The following CAMK2D variants were observed in gnomAD, a reference collection of about 807,000 sequenced individuals.
The protein encoded by CAMK2D is calcium/calmodulin-dependent protein kinase type II subunit delta.
A neutral mutation model predicts 84.0 loss-of-function variants in CAMK2D; 37 were observed. The ratio of observed to expected loss-of-function variants is 0.44; its 90% confidence interval spans 0.34 to 0.58. The LOEUF is 0.58. Ranked by LOEUF, CAMK2D falls within the 20% of genes least tolerant of loss-of-function variation. The pLI is 0.02. For missense variants in CAMK2D, 448 were observed against 652.5 expected (o/e 0.69, Z 3.41); for synonymous variants, 202 against 212.5 (o/e 0.95, Z 0.43).
intron 2 of CAMK2D, among the ~76,000 whole-genome samples, chr4:113,671,551 GC>G (rs2099284204): frequency 6.6e-6 from 1 of 152,116 alleles, no homozygotes; most frequent in Non-Finnish European, 1.5e-5. Context: ...TTTGTGTTGG[GC>G]GACACTGGAG....
chr4:113,489,611 T>C (rs1287940839), intron 16 of CAMK2D, among the ~76,000 whole-genome samples: 1 of 149,140 alleles, frequency 6.7e-6, no homozygotes, highest in African/African-American at 2.5e-5. Flanking sequence ...TACGTGTGCA[T>C]GTGTCTTTAT....
chr4:113,685,401 G>A (rs2099357009), intron 2 of CAMK2D, among the ~76,000 whole-genome samples: 1 of 151,812 alleles, frequency 6.6e-6, no homozygotes, highest in African/African-American at 2.4e-5. Flanking sequence ...CACAACACTT[G>A]GTAATTTTCA....
chr4:113,509,617 A>T, intron 13 of CAMK2D, 21 bp downstream of exon 13: 1 of 1,514,316 alleles, frequency 6.6e-7, no homozygotes, highest in Non-Finnish European at 9.2e-7. Context: ...GAAATGGATT[A>T]GGGGCATCTG....
intron 2 of CAMK2D, among the ~76,000 whole-genome samples, chr4:113,677,905 T>G (rs1314140240): frequency 6.6e-6 from 1 of 152,080 alleles, no homozygotes; most frequent in African/African-American, 2.4e-5. Context: ...CATAGGATAG[T>G]ATCTAGTAGC....
At chr4:113,713,027 A>G (rs2154355961) in intron 2 of CAMK2D, among the ~76,000 whole-genome samples, 1 of 152,142 alleles carries the variant, frequency 6.6e-6, no homozygotes. Flanking sequence ...TAATTTCCAG[A>G]TTAACCATGT....
At chr4:113,460,081 C>A in intron 18 of CAMK2D, 66 bp downstream of exon 18, 4 of 914,712 alleles carry the variant, frequency 4.4e-6, no homozygotes, top group Non-Finnish European at 7.3e-6. Context: ...GCAAAATAAT[C>A]TGCAAATTTG....
chr4:113,638,182 T>G (rs1421018734), intron 3 of CAMK2D, among the ~76,000 whole-genome samples: 2 of 152,046 alleles, frequency 1.3e-5, no homozygotes, highest in African/African-American at 4.8e-5. Context: ...CTAATTCAAG[T>G]GAAGAAAAGG....
At chr4:113,608,505 CT>C (rs1411601394) in intron 4 of CAMK2D, among the ~76,000 whole-genome samples, 2 of 152,114 alleles carry the variant, frequency 1.3e-5, no homozygotes, top group African/African-American at 4.8e-5. Context: ...TTAGGGTATA[CT>C]TTCCATGGAC....
At chr4:113,526,255 A>G (rs2098416450) in intron 8 of CAMK2D, among the ~76,000 whole-genome samples, 2 of 152,172 alleles carry the variant, frequency 1.3e-5, no homozygotes, top group South Asian at 2.1e-4. Context: ...TGGCACATAC[A>G]TGCTCCAACT....
chr4:113,721,747 A>C (rs1178838500), intron 2 of CAMK2D, among the ~76,000 whole-genome samples: 1 of 152,168 alleles, frequency 6.6e-6, no homozygotes, highest in Non-Finnish European at 1.5e-5. Context: ...GTGGCTTCTA[A>C]TCCCAGCAGA....
At chr4:113,667,895 C>T (rs1481715635) in intron 2 of CAMK2D, among the ~76,000 whole-genome samples, 1 of 152,154 alleles carries the variant, frequency 6.6e-6, no homozygotes, top group African/African-American at 2.4e-5. Context: ...GATGATTGTT[C>T]TTCTTTTCAT....
rs374119069 is a variant in CAMK2D at position 113,516,509 on chromosome 4, C to T, written c.696+1054G>A. Among the ~76,000 whole-genome samples, 28 of 152,232 alleles carry T rather than the reference C, an allele frequency of 1.8e-4. No individual in the cohort carries two copies. The East Asian group carries it at 2.9e-3, about 16-fold the overall frequency. On this transcript the variant is annotated intron_variant, in intron 9 of 20. Coordinates refer to ENST00000511664, the MANE Select transcript of CAMK2D (RefSeq NM_001321571.2). ...CTAGTCTGTAAAGATGGTGAATGTGCTAGCTATTGCCATGTAAATAATAAT... is the reference window on the plus strand; with the variant it reads ...CTAGTCTGTAAAGATGGTGAATGTGTTAGCTATTGCCATGTAAATAATAAT...
intron 2 of CAMK2D, among the ~76,000 whole-genome samples, chr4:113,676,366 G>A (rs952626927): frequency 2.6e-5 from 4 of 152,070 alleles, no homozygotes; most frequent in African/African-American, 9.7e-5. Context: ...ACAGTTGCTG[G>A]CCATAAACTG....
intron 8 of CAMK2D, 93 bp downstream of exon 8, chr4:113,531,122 TA>T: frequency 1.4e-6 from 1 of 700,732 alleles, no homozygotes; most frequent in Non-Finnish European, 2.6e-6. Flanking sequence ...TTTTGTTATT[TA>T]ACCCACTTGG....
At chr4:113,619,717 A>AT (rs770999920) in intron 3 of CAMK2D, among the ~76,000 whole-genome samples, 241 of 151,846 alleles carry the variant, frequency 1.6e-3, no homozygotes, top group Non-Finnish European at 2.8e-3. Flanking sequence ...GTAAATACAG[A>AT]TTTTTTTTTG....
At chr4:113,506,605 C>T (rs929215627) in intron 13 of CAMK2D, among the ~76,000 whole-genome samples, 10 of 152,110 alleles carry the variant, frequency 6.6e-5, no homozygotes, top group East Asian at 3.8e-4. Context: ...GATGCACACA[C>T]GAATAATTTC....
chr4:113,511,011 A>C (rs1174406243), intron 12 of CAMK2D, among the ~76,000 whole-genome samples: 1 of 152,152 alleles, frequency 6.6e-6, no homozygotes, highest in Non-Finnish European at 1.5e-5. Context: ...TTGAAATTGC[A>C]ATAGCAAGCA....
chr4:113,468,512 A>G (rs970735332), intron 16 of CAMK2D, among the ~76,000 whole-genome samples: 4 of 152,222 alleles, frequency 2.6e-5, no homozygotes, highest in Non-Finnish European at 5.9e-5. Flanking sequence ...GGAAAGCAGA[A>G]GGCTGGAAAT....
At chr4:113,550,780 T>C (rs1028023068) in intron 5 of CAMK2D, among the ~76,000 whole-genome samples, 1 of 152,228 alleles carries the variant, frequency 6.6e-6, no homozygotes, top group African/African-American at 2.4e-5. Flanking sequence ...TGGGGTAAAC[T>C]GAGCAAGTGA....
Sources: gnomAD v4.1 joint callset for allele counts (sites outside exome capture counted in the v4.1 genomes callset) on GRCh38, gnomAD v4.1.1 for gene constraint, MANE v1.5 for transcripts, NCBI Gene and HGNC (gene_info 2026-07-23, HGNC 2026-07-21) for gene names.